SCD5: variants seen among roughly 807,000 people sequenced by gnomAD.
SCD5 encodes stearoyl-CoA desaturase 5.
A neutral mutation model predicts 30.4 loss-of-function variants in SCD5; 20 were observed. That is an observed-to-expected ratio of 0.66 (90% CI 0.46 to 0.96). The LOEUF (loss-of-function observed/expected upper bound fraction) is 0.96. Ranked by LOEUF, SCD5 falls within the 40% of genes least tolerant of loss-of-function variation. SCD5 has a pLI of 0.00. For synonymous variants in SCD5, 173 were observed against 176.4 expected, an observed-to-expected ratio of 0.98 and a Z score of 0.16; for missense variants, 381 against 443.3, an observed-to-expected ratio of 0.86 and a Z score of 1.26.
At chr4:82,718,580 A>AT (rs1195511973) in intron 1 of SCD5, among the ~76,000 whole-genome samples, 2 of 151,668 alleles carry the variant, frequency 1.3e-5, no homozygotes, top group African/African-American at 2.4e-5. Context: ...TACAAAACAC[A>AT]TTTTTTTCAA....
intron 1 of SCD5, among the ~76,000 whole-genome samples, chr4:82,770,109 T>C (rs1394159457): frequency 2.0e-5 from 3 of 152,202 alleles, no homozygotes; most frequent in Non-Finnish European, 2.9e-5. Context: ...TATGTATACA[T>C]GTGCCATGTT....
chr4:82,761,720 T>C (rs1204836030), intron 1 of SCD5, among the ~76,000 whole-genome samples: 1 of 151,876 alleles, frequency 6.6e-6, no homozygotes, highest in Non-Finnish European at 1.5e-5. Context: ...CCCGATGCTA[T>C]CCCTCCCCCC....
At chr4:82,798,277 G>C (rs201804434) in intron 1 of SCD5, 29 bp downstream of exon 1, 11 of 1,537,194 alleles carry the variant, frequency 7.2e-6, no homozygotes, top group Non-Finnish European at 9.6e-6. Context: ...CACGGAGGCC[G>C]GGGCGCAGGG....
At chr4:82,734,373 C>T (rs148321973) in intron 1 of SCD5, among the ~76,000 whole-genome samples, 8 of 152,292 alleles carry the variant, frequency 5.3e-5, no homozygotes, top group African/African-American at 1.9e-4. Flanking sequence ...ACAGTTAACC[C>T]AACATGACTT....
intron 3 of SCD5, among the ~76,000 whole-genome samples, chr4:82,672,411 T>A (rs1728345643): frequency 6.6e-6 from 1 of 152,054 alleles, no homozygotes; most frequent in African/African-American, 2.4e-5. Context: ...AAAGAAATAC[T>A]ATGAACAACT....
chr4:82,764,294 T>C (rs901571915), intron 1 of SCD5, among the ~76,000 whole-genome samples: 5 of 152,242 alleles, frequency 3.3e-5, no homozygotes, highest in Non-Finnish European at 4.4e-5. Flanking sequence ...CAGGAAGTTG[T>C]ATTGGACAGC....
At chr4:82,731,284 G>C (rs149820306) in intron 1 of SCD5, among the ~76,000 whole-genome samples, 12 of 152,306 alleles carry the variant, frequency 7.9e-5, no homozygotes, top group Non-Finnish European at 1.6e-4. Context: ...CAGCTGCTGG[G>C]TCAAGGCCTG....
intron 1 of SCD5, among the ~76,000 whole-genome samples, chr4:82,714,827 G>A (rs1720189931): frequency 1.3e-5 from 2 of 152,052 alleles, no homozygotes; most frequent in African/African-American, 4.8e-5. Flanking sequence ...TCCAAAATCT[G>A]AAAAAATATA....
At chr4:82,672,995 C>A (rs1275685536) in intron 3 of SCD5, among the ~76,000 whole-genome samples, 1 of 152,040 alleles carries the variant, frequency 6.6e-6, no homozygotes, top group African/African-American at 2.4e-5. Flanking sequence ...ATGCAACACC[C>A]ATTCATGATA....
intron 1 of SCD5, among the ~76,000 whole-genome samples, chr4:82,732,057 A>T (rs17353980): frequency 6.6e-6 from 1 of 151,818 alleles, no homozygotes; most frequent in East Asian, 1.9e-4. Flanking sequence ...CTCAAAGGTC[A>T]TTATCTTTCA....
intron 1 of SCD5, among the ~76,000 whole-genome samples, chr4:82,773,690 T>C (rs1383186670): frequency 6.6e-6 from 1 of 152,208 alleles, no homozygotes; most frequent in Non-Finnish European, 1.5e-5. Flanking sequence ...CACTAGATGC[T>C]AGCGGCAATC....
chr4:82,786,271 G>A (rs1721985662), intron 1 of SCD5, among the ~76,000 whole-genome samples: 1 of 152,122 alleles, frequency 6.6e-6, no homozygotes, highest in Non-Finnish European at 1.5e-5. Flanking sequence ...TTAAGGAGGA[G>A]GGTGCTATTA....
At chr4:82,721,540 G>A (rs780709001) in intron 1 of SCD5, among the ~76,000 whole-genome samples, 1 of 152,180 alleles carries the variant, frequency 6.6e-6, no homozygotes, top group Non-Finnish European at 1.5e-5. Context: ...ATGAGGTCAT[G>A]GGCAGGCAAG....
chr4:82,738,020 AAAC>A (rs1441834309), intron 1 of SCD5, among the ~76,000 whole-genome samples: 2 of 152,158 alleles, frequency 1.3e-5, no homozygotes, highest in African/African-American at 2.4e-5. Flanking sequence ...CCAAATTGTA[AAAC>A]AACAACAAAA....
In SCD5 at chr4:82,713,470, A is replaced by G. The variant is rs1232136756; in HGVS notation, c.233-8057T>C. 8.5e-5 allele frequency among the ~76,000 whole-genome samples: 13 copies of G among 152,358 alleles called. No homozygotes were observed. In the South Asian group the frequency reaches 1.7e-3, roughly 19 times the overall value. ...AGATTTTGGATCGTTCCAGGACTTC[A>G]TTCAGTATATACATGGCTCACTTCA... is the stretch of plus-strand genomic sequence containing the variant. On this transcript the variant is annotated intron_variant, in intron 1 of 4. Coordinates refer to ENST00000319540, the MANE Select transcript of SCD5 (RefSeq NM_001037582.3).
chr4:82,759,648 T>TAAAAA (rs70938309), intron 1 of SCD5, among the ~76,000 whole-genome samples: 1,432 of 125,454 alleles, frequency 0.011, 12 homozygotes, highest in African/African-American at 0.015. Context: ...AACCCCGTCT[T>TAAAAA]AAAAAAAAAA....
chr4:82,763,955 G>A (rs1037307212), intron 1 of SCD5, among the ~76,000 whole-genome samples: 1 of 152,100 alleles, frequency 6.6e-6, no homozygotes, highest in Admixed American at 6.5e-5. Context: ...GATATTAATA[G>A]AGCCACTCCA....
At chr4:82,652,516 AC>A (rs373104794) in intron 3 of SCD5, among the ~76,000 whole-genome samples, 246 of 152,318 alleles carry the variant, frequency 1.6e-3, no homozygotes, top group African/African-American at 5.7e-3. Context: ...CAATTCTACC[AC>A]TTACAAAATA....
At chr4:82,777,638 G>A (rs1721772112) in intron 1 of SCD5, among the ~76,000 whole-genome samples, 1 of 152,154 alleles carries the variant, frequency 6.6e-6, no homozygotes, top group Admixed American at 6.6e-5. Flanking sequence ...TTGAACAGGT[G>A]CTATATTTTC....
Sources: gnomAD v4.1 joint callset for allele counts (sites outside exome capture counted in the v4.1 genomes callset) on GRCh38, gnomAD v4.1.1 for gene constraint, MANE v1.5 for transcripts, NCBI Gene and HGNC (gene_info 2026-07-23, HGNC 2026-07-21) for gene names.